Variants in MBTPS2 observed in about 807,000 individuals in gnomAD.
The protein encoded by MBTPS2 is membrane-bound transcription factor site-2 protease.
MBTPS2 carries 2 observed loss-of-function variants against 35.4 expected under a neutral mutation model. The ratio of observed to expected loss-of-function variants is 0.06; its 90% CI spans 0.02 to 0.18. MBTPS2 has a LOEUF of 0.18. MBTPS2 is among the 10% of genes least tolerant of loss of function. The probability of loss-of-function intolerance (pLI) is 1.00; values close to 1 mark genes in which losing one functional copy is unlikely to be tolerated. For synonymous variants in MBTPS2, 125 were observed against 140.4 expected (o/e 0.89, Z 0.77); for missense variants, 244 against 386.5 (o/e 0.63, Z 3.09).
At chrX:21,867,716 G>A (rs2092941996) in intron 5 of MBTPS2, among the ~76,000 whole-genome samples, 1 of 104,783 alleles carries the variant, frequency 9.5e-6, no homozygotes. Flanking sequence ...TCAGCTCACT[G>A]TAGTCTCCGC....
At chrX:21,852,693 G>A (rs2092916136) in intron 4 of MBTPS2, among the ~76,000 whole-genome samples, 1 of 110,306 alleles carries the variant, frequency 9.1e-6, no homozygotes, top group Non-Finnish European at 1.9e-5. Context: ...TTAGTATTAA[G>A]CAACAGCACA....
At chrX:21,854,152 G>T (rs968596953) in intron 5 of MBTPS2, among the ~76,000 whole-genome samples, 5 of 112,101 alleles carry the variant, frequency 4.5e-5, no homozygotes, top group African/African-American at 1.6e-4. Context: ...CTTCATAGTG[G>T]AGAGGACATC....
intron 8 of MBTPS2, 40 bp from the exon 9 acceptor site, chrX:21,878,457 A>G: frequency 2.0e-6 from 2 of 1,011,179 alleles, no homozygotes; most frequent in Non-Finnish European, 2.8e-6. Flanking sequence ...GGTTTTTCTT[A>G]ATCATTTTTA....
At chrX:21,856,894 G>T in intron 5 of MBTPS2, 4 of 1,211,551 alleles carry the variant, frequency 3.3e-6, no homozygotes, top group South Asian at 1.8e-5. Flanking sequence ...ACCCAGAGCC[G>T]CAGCAAAAAG....
chrX:21,868,347 C>T, intron 5 of MBTPS2, 120 bp from the exon 6 acceptor site: 1 of 562,135 alleles, frequency 1.8e-6, no homozygotes, highest in Admixed American at 2.2e-5. Flanking sequence ...ATATTTTTGC[C>T]TCATTGCTTC....
At chrX:21,874,271 C>T (rs943149763) in intron 7 of MBTPS2, among the ~76,000 whole-genome samples, 7 of 107,131 alleles carry the variant, frequency 6.5e-5, no homozygotes, top group East Asian at 5.9e-4. Flanking sequence ...GTGATCCCCC[C>T]GCCTCGGCCT....
At chrX:21,842,702 T>C (rs984845598) in intron 1 of MBTPS2, among the ~76,000 whole-genome samples, 1 of 112,100 alleles carries the variant, frequency 8.9e-6, no homozygotes, top group African/African-American at 3.2e-5. Context: ...AATTTGGCTG[T>C]TAGAAAATTT....
chrX:21,862,967 T>TATATAA (rs1283198445), intron 5 of MBTPS2, among the ~76,000 whole-genome samples: 2 of 58,368 alleles, frequency 3.4e-5, no homozygotes, highest in Non-Finnish European at 6.2e-5. Flanking sequence ...TATATATATA[T>TATATAA]AAAACCGACT....
chrX:21,873,409 C>G (rs1176532274), intron 7 of MBTPS2, among the ~76,000 whole-genome samples: 1 of 112,211 alleles, frequency 8.9e-6, no homozygotes, highest in East Asian at 2.8e-4. Flanking sequence ...ACTAGTATGG[C>G]TCTTTTGGGG....
At chrX:21,851,706 C>T in intron 4 of MBTPS2, 94 bp downstream of exon 4, 1 of 621,709 alleles carries the variant, frequency 1.6e-6, no homozygotes, top group Non-Finnish European at 2.8e-6. Context: ...TTTGATACTT[C>T]ACTATTTTTC....
rs1163044337 is a variant in MBTPS2 at position 21,845,302 on chromosome X, C to T, written c.356C>T (p.Ser119Phe). 3 of 1,183,696 alleles carry T rather than the reference C, an allele frequency of 2.5e-6. No individual in the cohort carries two copies. The highest frequency in any genetic ancestry group is 3.4e-6 in the Non-Finnish European group (3 of 871,758). Reference protein sequence around the residue: ...SPSSYSSSSSSSSSSSSSSSS... With the variant: ...SPSSYSSSSSFSSSSSSSSSS... ...TCTTCTTATTCTTCCTCCTCTTCTT[C>T]CTCTTCCTCCTCTTCTTCCTCTTCC... The change falls in exon 3 of 11, where the codon TCC (serine) becomes TTC (phenylalanine). Residue 119 changes from serine to phenylalanine, a missense_variant. Physicochemically the swap from Ser to Phe is radical, Grantham distance 155. Transcript: ENST00000379484.
At chrX:21,876,737 A>G (rs12851181) in intron 7 of MBTPS2, among the ~76,000 whole-genome samples, 4 of 111,718 alleles carry the variant, frequency 3.6e-5, no homozygotes, top group Non-Finnish European at 7.5e-5. Flanking sequence ...TCTTCCTCAA[A>G]CAATAGAGTA....
intron 5 of MBTPS2, chrX:21,856,637 C>T: frequency 1.7e-6 from 2 of 1,211,894 alleles, no homozygotes; most frequent in Non-Finnish European, 2.2e-6. Context: ...ATTGGATCTA[C>T]GGTGGCCACA....
intron 5 of MBTPS2, chrX:21,856,093 T>G (rs2092920758): frequency 6.1e-6 from 1 of 162,894 alleles, no homozygotes; most frequent in Non-Finnish European, 1.2e-5. Flanking sequence ...ATGAAATACA[T>G]AAAAAATCAG....
chrX:21,859,372 G>A (rs1412117200), intron 5 of MBTPS2, among the ~76,000 whole-genome samples: 1 of 78,858 alleles, frequency 1.3e-5, no homozygotes, highest in Non-Finnish European at 2.4e-5. Context: ...AATCTTGGTT[G>A]TATTATTAGA....
chrX:21,872,568 A>C (rs1400703801), intron 7 of MBTPS2: 3 of 106,366 alleles, frequency 2.8e-5, no homozygotes, highest in African/African-American at 6.9e-5. Flanking sequence ...ATTTTGTCTC[A>C]GTATACATGT....
At chrX:21,860,695 C>A (rs1326027260) in intron 5 of MBTPS2, among the ~76,000 whole-genome samples, 1 of 111,624 alleles carries the variant, frequency 9.0e-6, no homozygotes, top group Non-Finnish European at 1.9e-5. Flanking sequence ...TGCTGAGTGT[C>A]CCGGCTTTTA....
In MBTPS2 at chrX:21,882,769, C is replaced by T. The variant is rs1182463476; in HGVS notation, c.*114C>T. 1.7e-6 allele frequency: 2 copies of T among 1,150,738 alleles called. No individual in the cohort carries two copies. The highest frequency in any genetic ancestry group is 1.8e-5 in the African/African-American group (1 of 55,839). 94.8% of individuals were successfully genotyped at this position (1,150,738 alleles called of 1,213,427 possible). ...AATATAAAGTGTTTCCTTAAAATTA[C>T]ATCTTAGCCAACAACCCTGAGCTCC... On this transcript the variant is annotated 3_prime_UTR_variant, in exon 11 of 11. Transcript: ENST00000379484.
rs769442884 is a variant in MBTPS2, at chrX:21,852,229, G to A, written c.542+617G>A. ...TATAACACATATAAAATCATGATGG[G>A]GAGAGGGCCACGTCATAACTCCCCT... On this transcript the variant is annotated intron_variant, in intron 4 of 10. Coordinates refer to ENST00000379484, the MANE Select transcript of MBTPS2 (RefSeq NM_015884.4). Among the ~76,000 whole-genome samples the A allele has an allele frequency of 6.3e-5, 7 of 111,559 alleles. No individual in the cohort carries two copies. The East Asian group carries it at 2.0e-3, about 31-fold the overall frequency.
Sources: gnomAD v4.1 joint callset for allele counts (sites outside exome capture counted in the v4.1 genomes callset) on GRCh38, gnomAD v4.1.1 for gene constraint, MANE v1.5 for transcripts, NCBI Gene and HGNC (gene_info 2026-07-23, HGNC 2026-07-21) for gene names.